TMEM50B: variants seen among roughly 807,000 people sequenced by gnomAD.
The protein encoded by TMEM50B is HCV p7-trans-regulated protein 3.
TMEM50B carries 14 observed loss-of-function variants against 23.4 expected under a neutral mutation model. The observed-to-expected ratio is 0.60, with a 90% CI of 0.39 to 0.93. The LOEUF (loss-of-function observed/expected upper bound fraction) is 0.93. Among genes scored for constraint, TMEM50B ranks in the 40% least tolerant of loss-of-function variants. The pLI, the probability that TMEM50B is intolerant of heterozygous loss-of-function variation, is 0.00. For synonymous variants in TMEM50B, 64 were observed against 62.3 expected, an observed-to-expected ratio of 1.03 and a Z score of -0.13; for missense variants, 159 against 193.0, an observed-to-expected ratio of 0.82 and a Z score of 1.04.
At chr21:33,465,602 A>G (rs1482488742) in intron 3 of TMEM50B, among the ~76,000 whole-genome samples, 193 bp from the exon 4 acceptor site, 1 of 152,240 alleles carries the variant, frequency 6.6e-6, no homozygotes. Context: ...CATAAAGTAC[A>G]CCCAGAAAAC....
At chr21:33,447,340 T>TAGTCCTGGCTACTC (rs11273486), downstream of TMEM50B, among the ~76,000 whole-genome samples, 1 of 151,162 alleles carries the variant, frequency 6.6e-6, no homozygotes, top group Admixed American at 6.6e-5. Context: ...TGCACACCTA[T>TAGTCCTGGCTACTC]AGTAGACTGA....
intron 8 of TMEM50B, among the ~76,000 whole-genome samples, chr21:33,433,944 C>G (rs1210353861): frequency 6.6e-6 from 1 of 151,992 alleles, no homozygotes; most frequent in African/African-American, 2.4e-5. Context: ...GCGGTGGAGA[C>G]AGTGATCAGG....
intron 8 of TMEM50B, among the ~76,000 whole-genome samples, chr21:33,438,526 G>A (rs1043525016): frequency 3.3e-5 from 5 of 152,016 alleles, no homozygotes; most frequent in South Asian, 2.1e-4. Flanking sequence ...GGCTGGGCAC[G>A]GTGGCTCACA....
chr21:33,461,414 AG>A (rs1329503865), intron 4 of TMEM50B, among the ~76,000 whole-genome samples: 1 of 152,234 alleles, frequency 6.6e-6, no homozygotes, highest in African/African-American at 2.4e-5. Context: ...GCAGATCTCC[AG>A]AAATAAACAG....
intron 3 of TMEM50B, among the ~76,000 whole-genome samples, chr21:33,465,822 A>G (rs1341280198): frequency 6.6e-6 from 1 of 151,622 alleles, no homozygotes; most frequent in African/African-American, 2.4e-5. Context: ...GCTCAGAGAA[A>G]ATGTAGCTTA....
chr21:33,453,098 T>G (rs765185544), intron 6 of TMEM50B, among the ~76,000 whole-genome samples: 1 of 152,042 alleles, frequency 6.6e-6, no homozygotes, highest in East Asian at 1.9e-4. Flanking sequence ...TTTTATTTAT[T>G]TATGTATTTA....
At chr21:33,472,088 T>C (rs1177545843) in intron 1 of TMEM50B, among the ~76,000 whole-genome samples, 1 of 148,052 alleles carries the variant, frequency 6.8e-6, no homozygotes, top group African/African-American at 2.5e-5. Flanking sequence ...ATGTTTGAAT[T>C]TAAAAATTAA....
chr21:33,460,816 C>T (rs2248340), intron 4 of TMEM50B, among the ~76,000 whole-genome samples: 89,274 of 152,038 alleles, frequency 0.59, 28,270 homozygotes, highest in East Asian at 0.83. Context: ...AAAAGTAGCA[C>T]ATGTATTCTG....
intron 3 of TMEM50B, 71 bp from the exon 4 acceptor site, chr21:33,465,480 C>T: frequency 8.9e-7 from 1 of 1,129,018 alleles, no homozygotes; most frequent in Non-Finnish European, 1.3e-6. Context: ...TTATATAACA[C>T]TTAGACGGAA....
At chr21:33,437,982 C>CAAA (rs61317224) in intron 8 of TMEM50B, among the ~76,000 whole-genome samples, 5 of 96,722 alleles carry the variant, frequency 5.2e-5, no homozygotes, top group Non-Finnish European at 8.2e-5. Context: ...GACCCTATCT[C>CAAA]AAAAAAAAAA....
At chr21:33,453,907 C>T (rs558946056) in intron 6 of TMEM50B, among the ~76,000 whole-genome samples, 7 of 151,948 alleles carry the variant, frequency 4.6e-5, no homozygotes, top group Non-Finnish European at 8.8e-5. Flanking sequence ...AGTTCGAGAC[C>T]GGCCTGGTCA....
chr21:33,472,876 CA>C (rs1050746803), intron 1 of TMEM50B, among the ~76,000 whole-genome samples: 164 of 129,282 alleles, frequency 1.3e-3, no homozygotes, highest in Admixed American at 1.2e-3. Flanking sequence ...AACTCCATCT[CA>C]AAAAAAAAAA....
Position 33,468,912 on chromosome 21 carries a change from A to T in TMEM50B, c.-27T>A. The T allele has an allele frequency of 6.4e-7, 1 of 1,562,842 alleles. No individual in the cohort carries two copies. Among genetic ancestry groups the T allele is most frequent in the Non-Finnish European group, 8.8e-7 (1 of 1,135,306 alleles). ...TTTACTTCTTAAGCATAAATTTTTC[A>T]TTAAATGCTGTATCCTACAAACAGA... On this transcript the variant is annotated 5_prime_UTR_variant, in exon 2 of 7. The change abolishes an upstream ATG in the 5' untranslated region. Coordinates refer to ENST00000542230, the MANE Select transcript of TMEM50B (RefSeq NM_006134.7).
chr21:33,433,928 G>A (rs1191816083), intron 8 of TMEM50B, among the ~76,000 whole-genome samples: 5 of 152,072 alleles, frequency 3.3e-5, no homozygotes, highest in African/African-American at 4.8e-5. Context: ...GCTGGAGGAC[G>A]TGAAGGCGGT....
chr21:33,459,705 GAGA>G (rs1214145376), intron 5 of TMEM50B, among the ~76,000 whole-genome samples: 2 of 151,332 alleles, frequency 1.3e-5, no homozygotes, highest in African/African-American at 4.9e-5. Flanking sequence ...AGGTTGGAGA[GAGA>G]AGGTGTCAAT....
chr21:33,461,093 T>G (rs949703250), intron 4 of TMEM50B, among the ~76,000 whole-genome samples: 1 of 152,216 alleles, frequency 6.6e-6, no homozygotes, highest in East Asian at 1.9e-4. Flanking sequence ...ATCTGGACAC[T>G]TGAGTAGATT....
Position 33,450,767 on chromosome 21 carries a change from C to T in TMEM50B, c.*51G>A. ...CAATGTGTACTGAGAGATAAAAAACCTATCTACAAACAGAATATAACAAAA... is the reference window on the plus strand; with the variant it reads ...CAATGTGTACTGAGAGATAAAAAACTTATCTACAAACAGAATATAACAAAA... On this transcript the variant is annotated 3_prime_UTR_variant, in exon 7 of 7. Transcript: ENST00000542230. 1 of 1,499,030 alleles carries T rather than the reference C, an allele frequency of 6.7e-7. No individual in the cohort carries two copies. The highest frequency in any genetic ancestry group is 9.2e-7 in the Non-Finnish European group (1 of 1,089,020). 92.9% of individuals were successfully genotyped at this position (1,499,030 alleles called of 1,614,324 possible).
chr21:33,468,725 G>T, intron 2 of TMEM50B, 62 bp downstream of exon 2: 1 of 1,302,672 alleles, frequency 7.7e-7, no homozygotes, highest in South Asian at 1.2e-5. Context: ...CAAAGGAACC[G>T]GCATTAATTT....
At chr21:33,454,915 G>A (rs1026369628) in intron 6 of TMEM50B, among the ~76,000 whole-genome samples, 4 of 151,968 alleles carry the variant, frequency 2.6e-5, no homozygotes, top group Non-Finnish European at 5.9e-5. Context: ...TCAGGAGTTC[G>A]AGACCACTCT....
Sources: gnomAD v4.1 joint callset for allele counts (sites outside exome capture counted in the v4.1 genomes callset) on GRCh38, gnomAD v4.1.1 for gene constraint, MANE v1.5 for transcripts, NCBI Gene and HGNC (gene_info 2026-07-23, HGNC 2026-07-21) for gene names.